GRIP1: variants seen among roughly 807,000 people sequenced by gnomAD.
The protein encoded by GRIP1 is glutamate receptor interacting protein 1.
Under a neutral mutation model 129.9 loss-of-function variants are expected in GRIP1, and 45 were observed. The ratio of observed to expected loss-of-function variants is 0.35; its 90% CI spans 0.27 to 0.44. The LOEUF is 0.44. GRIP1 is among the 20% of genes least tolerant of loss of function. The probability of loss-of-function intolerance (pLI) is 1.00; values close to 1 mark genes in which losing one functional copy is unlikely to be tolerated. For synonymous variants in GRIP1, 530 were observed against 520.8 expected (o/e 1.02, Z -0.24); for missense variants, 1,196 against 1,396.8 (o/e 0.86, Z 2.29).
rs760433937 is a variant in GRIP1 at position 66,432,573 on chromosome 12, A to C, written c.1743T>G (p.Asn581Lys). Residue 581 changes from asparagine to lysine, a missense_variant, in exon 14 of 25, where the codon AAT becomes AAG. By Grantham distance (94) the Asn-to-Lys change is moderately conservative. This residue lies in a region of GRIP1 where 508 missense variants were observed against 587.0 expected (regional missense o/e 0.87). Transcript: ENST00000359742. ...AACTTATGGTTATTCCAAGTTCCACATTGTGCTTCTTAGGCAGCTTTACAT... is the reference window on the plus strand; with the variant it reads ...AACTTATGGTTATTCCAAGTTCCACCTTGTGCTTCTTAGGCAGCTTTACAT... The part of the protein sequence containing the change: ...TFHVKLPKKH[N>K]VELGITISSP... The C allele has an allele frequency of 6.2e-7, 1 of 1,600,872 alleles. No homozygotes were observed. The highest frequency in any genetic ancestry group is 8.6e-7 in the Non-Finnish European group (1 of 1,168,800).
intron 15 of GRIP1, among the ~76,000 whole-genome samples, chr12:66,408,067 C>T (rs1290247941): frequency 1.3e-5 from 2 of 152,260 alleles, no homozygotes; most frequent in African/African-American, 4.8e-5. Flanking sequence ...GGTCTTTGCC[C>T]CGGGATAACA....
intron 7 of GRIP1, among the ~76,000 whole-genome samples, chr12:66,486,934 G>A (rs1194363773): frequency 3.3e-5 from 5 of 151,954 alleles, no homozygotes; most frequent in African/African-American, 9.7e-5. Context: ...GGTACCACAG[G>A]TGTGTGCCAC....
At chr12:66,926,102 C>T (rs1476660499) in intron 1 of GRIP1, among the ~76,000 whole-genome samples, 2 of 152,158 alleles carry the variant, frequency 1.3e-5, no homozygotes, top group Non-Finnish European at 1.5e-5. Flanking sequence ...TCAACACAGG[C>T]GACTGAAACA....
At chr12:66,916,314 C>A (rs1044310171) in intron 1 of GRIP1, among the ~76,000 whole-genome samples, 1 of 152,136 alleles carries the variant, frequency 6.6e-6, no homozygotes, top group African/African-American at 2.4e-5. Flanking sequence ...GAAAGCCAAG[C>A]CCTAAGGGGC....
intron 1 of GRIP1, among the ~76,000 whole-genome samples, chr12:66,823,819 A>T (rs2039362867): frequency 1.3e-5 from 2 of 152,178 alleles, no homozygotes; most frequent in South Asian, 4.1e-4. Flanking sequence ...TTTCTCTCCC[A>T]CAATATAATC....
At chr12:66,976,610 T>C (rs969111696) in intron 1 of GRIP1, among the ~76,000 whole-genome samples, 1 of 152,172 alleles carries the variant, frequency 6.6e-6, no homozygotes, top group Non-Finnish European at 1.5e-5. Flanking sequence ...AACAAAAGTA[T>C]TTTAAATGAG....
intron 1 of GRIP1, among the ~76,000 whole-genome samples, chr12:66,942,223 G>A (rs1171891442): frequency 6.6e-6 from 1 of 152,182 alleles, no homozygotes; most frequent in Non-Finnish European, 1.5e-5. Flanking sequence ...TAGCGGATCA[G>A]GGATGAATTC....
chr12:66,592,785 A>G (rs148631871), intron 2 of GRIP1, among the ~76,000 whole-genome samples: 47 of 152,340 alleles, frequency 3.1e-4, no homozygotes, highest in African/African-American at 1.1e-3. Flanking sequence ...CAAAGTCTGT[A>G]CAGATTTTCT....
At chr12:66,537,375 A>G (rs550740807) in intron 4 of GRIP1, among the ~76,000 whole-genome samples, 3 of 152,314 alleles carry the variant, frequency 2.0e-5, no homozygotes, top group South Asian at 2.1e-4. Context: ...AAAGGATTAA[A>G]TAATTCAATG....
chr12:66,551,256 T>C (rs1249113152), intron 2 of GRIP1, among the ~76,000 whole-genome samples: 1 of 152,200 alleles, frequency 6.6e-6, no homozygotes, highest in Non-Finnish European at 1.5e-5. Context: ...GCAATTCACA[T>C]TCTAAATGTC....
At chr12:66,654,725 G>A (rs556730569) in intron 1 of GRIP1, among the ~76,000 whole-genome samples, 2 of 152,114 alleles carry the variant, frequency 1.3e-5, no homozygotes, top group Non-Finnish European at 2.9e-5. Context: ...GGTGATGAGA[G>A]TTGTTAAGAT....
chr12:66,958,973 C>T (rs536748949), intron 1 of GRIP1, among the ~76,000 whole-genome samples: 30 of 152,254 alleles, frequency 2.0e-4, no homozygotes, highest in East Asian at 7.7e-4. Flanking sequence ...TAATTTCCTA[C>T]GTAATAGATA....
chr12:66,913,394 G>C (rs2041065421), intron 1 of GRIP1, among the ~76,000 whole-genome samples: 1 of 151,994 alleles, frequency 6.6e-6, no homozygotes, highest in Non-Finnish European at 1.5e-5. Context: ...GAATATCTTA[G>C]CAACAGGTAT....
intron 4 of GRIP1, among the ~76,000 whole-genome samples, chr12:66,530,191 A>G (rs2061396456): frequency 6.6e-6 from 1 of 152,174 alleles, no homozygotes; most frequent in African/African-American, 2.4e-5. Context: ...TAAGAGGGGG[A>G]TATTTACATT....
At chr12:67,051,756 A>G (rs563385241) in intron 1 of GRIP1, among the ~76,000 whole-genome samples, 10 of 152,246 alleles carry the variant, frequency 6.6e-5, no homozygotes, top group Admixed American at 2.0e-4. Context: ...GGTTTGCCAC[A>G]ACCTCAGATC....
At chr12:66,926,351 C>T (rs551536787) in intron 1 of GRIP1, among the ~76,000 whole-genome samples, 11 of 152,294 alleles carry the variant, frequency 7.2e-5, no homozygotes, top group African/African-American at 2.6e-4. Flanking sequence ...TCAGGACTTA[C>T]GATACCCCCA....
At position 66,371,926 on chromosome 12, in the gene GRIP1, G is replaced by T; in HGVS notation, c.2780C>A (p.Ala927Glu). ...CATCGTGCTCCCCGACATGATTGTT[G>T]CCTGTGGCATTGACAATTTTTAGAA... ...RVSLRNMTLLATIMSGSTMSL... is the reference protein window; with the variant it reads ...RVSLRNMTLLETIMSGSTMSL... The change falls in exon 23 of 25, where the codon GCA becomes GAA. Residue 927 changes from alanine to glutamate, a missense_variant and splice_region_variant. This residue lies in a region of GRIP1 where 427 missense variants were observed against 463.3 expected (regional missense o/e 0.92). Coordinates refer to ENST00000359742, the MANE Select transcript of GRIP1 (RefSeq NM_001366722.1). The T allele has an allele frequency of 6.3e-7, 1 of 1,599,472 alleles. No homozygotes were observed. The highest frequency in any genetic ancestry group is 8.5e-7 in the Non-Finnish European group (1 of 1,169,824).
In GRIP1 at chr12:67,017,792, T is replaced by C. The variant is rs189325051; in HGVS notation, c.58+51258A>G. ...GTATCCCCAAAACAGCCTGCAGCTG[T>C]TCCAGCCAGCCCCACTGGGGTGCCC... On this transcript the variant is annotated intron_variant, in intron 1 of 1. Transcript: ENST00000643019. Among the ~76,000 whole-genome samples the C allele has an allele frequency of 2.6e-5, 4 of 152,280 alleles. No individual in the cohort carries two copies. In the East Asian group the frequency reaches 7.7e-4, roughly 29 times the overall value.
At chr12:66,625,502 TAC>T (rs949700607) in intron 1 of GRIP1, among the ~76,000 whole-genome samples, 10 of 152,312 alleles carry the variant, frequency 6.6e-5, no homozygotes, top group Admixed American at 1.3e-4. Flanking sequence ...TATATTGAAA[TAC>T]AGTCATTTAT....
Sources: allele counts gnomAD v4.1 joint callset (sites outside exome capture counted in the v4.1 genomes callset), GRCh38; gene constraint gnomAD v4.1.1; regional missense constraint gnomAD v4.1.1; transcripts MANE v1.5; gene names NCBI Gene and HGNC (gene_info 2026-07-23, HGNC 2026-07-21).